Variants in USP54 observed in about 807,000 individuals in gnomAD.
USP54 encodes the protein ubiquitin specific peptidase 54, also known as ubiquitin carboxyl-terminal hydrolase 54.
In USP54, 87 loss-of-function variants were observed where a neutral mutation model predicts 170.5. That is an observed-to-expected ratio of 0.51 (90% CI 0.43 to 0.61). The LOEUF is 0.61. USP54 is among the 20% of genes least tolerant of loss of function. USP54 has a pLI of 0.00. For synonymous variants in USP54, 655 were observed against 742.8 expected, an observed-to-expected ratio of 0.88 and a Z score of 1.92; for missense variants, 1,786 against 2,047.8, an observed-to-expected ratio of 0.87 and a Z score of 2.47.
chr10:73,559,100 C>T (rs2072064548), intron 4 of USP54, among the ~76,000 whole-genome samples: 1 of 152,110 alleles, frequency 6.6e-6, no homozygotes. Flanking sequence ...TTTGGAGTTT[C>T]CTGTTTTGAA....
intron 17 of USP54, among the ~76,000 whole-genome samples, chr10:73,521,685 C>T (rs2061922887): frequency 1.3e-5 from 2 of 152,212 alleles, no homozygotes; most frequent in Admixed American, 6.5e-5. Context: ...TTTGCATATA[C>T]ATACTTGTCA....
intron 4 of USP54, among the ~76,000 whole-genome samples, chr10:73,560,798 G>A (rs963380415): frequency 4.0e-5 from 6 of 150,664 alleles, no homozygotes; most frequent in Admixed American, 1.3e-4. Flanking sequence ...CAAAAACTCC[G>A]TAACTATTTA....
chr10:73,605,773 T>C (rs914350686), intron 1 of USP54, among the ~76,000 whole-genome samples: 35 of 152,026 alleles, frequency 2.3e-4, no homozygotes, highest in African/African-American at 8.5e-4. Flanking sequence ...ATATGAGGCA[T>C]GAAGAATAGT....
intron 22 of USP54, among the ~76,000 whole-genome samples, chr10:73,503,216 T>C (rs76254255): frequency 0.047 from 7,088 of 152,320 alleles, 507 homozygotes; most frequent in African/African-American, 0.15. Context: ...TCCCTTTTAC[T>C]TGCTATATTC....
chr10:73,523,683 T>C lies in USP54; in HGVS notation c.2262A>G (p.Glu754=), dbSNP rs2133340563. 6.2e-7 allele frequency: 1 copy of C among 1,614,062 alleles called. No homozygotes were observed. Among genetic ancestry groups the C allele is most frequent in the East Asian group, 2.2e-5 (1 of 44,874 alleles). ...LQEEVARRAQ[E]QELRRKREKE... is the part of the protein sequence containing the mutation. The stretch of plus-strand genomic sequence containing the variant: ...TCTCCCGTTTTCTTCGAAGTTCCTG[T>C]TCCTGCGCCCTCCTGGCCACCTCTT... Residue 754 remains glutamate (E), a synonymous_variant, in exon 17 of 24, where the codon GAA becomes GAG. Transcript: ENST00000687698.
chr10:73,530,286 C>G lies in USP54; in HGVS notation c.1685G>C (p.Ser562Thr), dbSNP rs199797469. The G allele has an allele frequency of 2.5e-6, 4 of 1,614,182 alleles. No individual in the cohort carries two copies. The highest frequency in any genetic ancestry group is 3.4e-6 in the Non-Finnish European group (4 of 1,180,046). Residue 562 changes from serine (S) to threonine (T), a missense_variant, in exon 14 of 24, where the codon AGT (serine) becomes ACT (threonine). By Grantham distance (58) the Ser-to-Thr change is moderately conservative. This residue lies in a region of USP54 where 1,418 missense variants were observed against 1,569.0 expected (regional missense o/e 0.90). Coordinates refer to ENST00000687698, the MANE Select transcript of USP54 (RefSeq NM_001391956.1). ...SRDWEIESTS[S>T]ESKSSSSSKY... is the part of the protein sequence containing the mutation. ...GCTGGAAGAACTGGATTTTGACTCA[C>G]TGCTGGTACTCTCTATTTCCCAGTC...
chr10:73,499,136 A>C lies in USP54; in HGVS notation c.4548T>G (p.Thr1516=). The change falls in exon 24 of 24, where the codon ACT becomes ACG. Residue 1516 remains threonine (T), a synonymous_variant. Transcript: ENST00000687698. The stretch of plus-strand genomic sequence containing the variant: ...TTCCTGTGTACTTGGCCCCTTGGGA[A>C]GTTTCACCCCTGTCACACATAGCCA... The part of the protein sequence containing the change: ...QFLAMCDRGE[T]SQGAKYTGRT... The C allele has an allele frequency of 6.2e-7, 1 of 1,613,916 alleles. No homozygotes were observed. The highest frequency in any genetic ancestry group is 8.5e-7 in the Non-Finnish European group (1 of 1,179,912).
chr10:73,580,373 G>C (rs2076742219), intron 1 of USP54, among the ~76,000 whole-genome samples: 1 of 150,826 alleles, frequency 6.6e-6, no homozygotes, highest in Non-Finnish European at 1.5e-5. Flanking sequence ...TGACACACTT[G>C]GCAGTTACTT....
At chr10:73,510,891 T>C (rs2060093702) in intron 20 of USP54, among the ~76,000 whole-genome samples, 1 of 152,208 alleles carries the variant, frequency 6.6e-6, no homozygotes, top group African/African-American at 2.4e-5. Context: ...GCAGTGTTTA[T>C]ATAACACTTT....
At chr10:73,511,071 G>A (rs2060122170) in intron 20 of USP54, among the ~76,000 whole-genome samples, 1 of 150,994 alleles carries the variant, frequency 6.6e-6, no homozygotes, top group African/African-American at 2.4e-5. Flanking sequence ...TTTGCCAACG[G>A]GTACAAAGTT....
chr10:73,546,307 G>C (rs2067796467), intron 4 of USP54, among the ~76,000 whole-genome samples: 1 of 152,018 alleles, frequency 6.6e-6, no homozygotes, highest in African/African-American at 2.4e-5. Flanking sequence ...TAATACATAG[G>C]ATACTTTTGT....
chr10:73,566,049 T>G (rs568663663), intron 4 of USP54, among the ~76,000 whole-genome samples: 235 of 151,444 alleles, frequency 1.6e-3, no homozygotes, highest in Non-Finnish European at 2.3e-3. Flanking sequence ...TGGCCAACAT[T>G]GAGAAACCCT....
upstream of USP54, among the ~76,000 whole-genome samples, chr10:73,593,376 CA>C (rs772703814): frequency 7.3e-3 from 440 of 60,354 alleles, 2 homozygotes; most frequent in African/African-American, 0.011. Flanking sequence ...GACCCTGTCT[CA>C]AAAAAAAAAA....
intron 3 of USP54, 145 bp downstream of exon 3, chr10:73,575,367 G>T: frequency 1.0e-6 from 1 of 952,928 alleles, no homozygotes; most frequent in Non-Finnish European, 1.4e-6. Context: ...ACTTGCCAAA[G>T]ATCACACAGA....
chr10:73,569,902 CAAAAAAAAAAAAAAAAAAAA>C (rs34676499), intron 4 of USP54, among the ~76,000 whole-genome samples: 55 of 18,708 alleles, frequency 2.9e-3, no homozygotes, highest in Admixed American at 7.6e-3. Flanking sequence ...ATTTCATCTC[CAAAAAAAAAAAAAAAAAAAA>C]AAAAAAAAAA....
intron 1 of USP54, among the ~76,000 whole-genome samples, chr10:73,583,153 A>C (rs182392199): frequency 6.6e-6 from 1 of 152,230 alleles, no homozygotes; most frequent in Non-Finnish European, 1.5e-5. Context: ...AAAGACTAAG[A>C]AACTTTTACA....
At chr10:73,578,203 G>A (rs182810212) in intron 1 of USP54, among the ~76,000 whole-genome samples, 1 of 152,320 alleles carries the variant, frequency 6.6e-6, no homozygotes, top group East Asian at 1.9e-4. Context: ...CCAACTAGAA[G>A]TGAGAGCATA....
chr10:73,538,715 G>A (rs933929146), intron 10 of USP54, among the ~76,000 whole-genome samples: 2 of 152,052 alleles, frequency 1.3e-5, no homozygotes, highest in African/African-American at 4.8e-5. Context: ...AAAAGACTAA[G>A]GTGAGAGAAT....
chr10:73,583,735 C>A (rs1589298507), intron 1 of USP54, among the ~76,000 whole-genome samples: 1 of 151,368 alleles, frequency 6.6e-6, no homozygotes, highest in South Asian at 2.1e-4. Context: ...GGTGACAAAG[C>A]AAGACCCTGT....
Sources: allele counts gnomAD v4.1 joint callset (sites outside exome capture counted in the v4.1 genomes callset), GRCh38; gene constraint gnomAD v4.1.1; regional missense constraint gnomAD v4.1.1; transcripts MANE v1.5; gene names NCBI Gene and HGNC (gene_info 2026-07-23, HGNC 2026-07-21).